Variants in POLB observed in about 807,000 individuals in gnomAD.
The protein encoded by POLB is 5'-dRP lyase.
POLB carries 37 observed loss-of-function variants against 52.7 expected under a neutral mutation model. The observed-to-expected ratio is 0.70, with a 90% CI of 0.54 to 0.92. The LOEUF is 0.92. Ranked by LOEUF, POLB falls within the 40% of genes least tolerant of loss-of-function variation. The probability of loss-of-function intolerance (pLI) is 0.00; values close to 1 mark genes in which losing one functional copy is unlikely to be tolerated. For missense variants in POLB, 313 were observed against 400.8 expected (o/e 0.78, Z 1.87); for synonymous variants, 138 against 131.3 (o/e 1.05, Z -0.35).
chr8:42,361,796 C>T (rs1250282271), intron 10 of POLB: 1 of 160,942 alleles, frequency 6.2e-6, no homozygotes, highest in Non-Finnish European at 1.4e-5. Context: ...GCTTTTTTTT[C>T]CCATGAGCCA....
intron 6 of POLB, 160 bp from the exon 7 acceptor site, chr8:42,355,356 C>T (rs1354588012): frequency 3.4e-6 from 2 of 583,540 alleles, no homozygotes; most frequent in Non-Finnish European, 6.4e-6. Flanking sequence ...TCACTTTTAT[C>T]TAGCTCTTCA....
chr8:42,370,259 G>GTTTTTTTTTTTTTTTTT (rs34271342), intron 13 of POLB: 7 of 259,972 alleles, frequency 2.7e-5, no homozygotes, highest in African/African-American at 5.2e-5. Context: ...ATCTAAAAGG[G>GTTTTTTTTTTTTTTTTT]TTTTTTTTTT....
chr8:42,368,367 ATTAGT>A (rs1161404770), intron 11 of POLB, among the ~76,000 whole-genome samples: 4 of 152,246 alleles, frequency 2.6e-5, no homozygotes, highest in Non-Finnish European at 5.9e-5. Flanking sequence ...CAGCTAAAGA[ATTAGT>A]TTAGATTTTA....
At chr8:42,349,870 G>T in intron 4 of POLB, 137 bp from the exon 5 acceptor site, 1 of 650,914 alleles carries the variant, frequency 1.5e-6, no homozygotes, top group East Asian at 2.7e-5. Context: ...GGTTACTTGT[G>T]AATAATTTTG....
At chr8:42,345,085 ACCAAAC>A in intron 3 of POLB, 66 bp downstream of exon 3, 2 of 1,033,390 alleles carry the variant, frequency 1.9e-6, no homozygotes, top group Non-Finnish European at 3.0e-6. Flanking sequence ...TTCCCACCAA[ACCAAAC>A]TTGCCTGTCT....
chr8:42,355,173 G>C (rs1434485029), intron 6 of POLB, among the ~76,000 whole-genome samples: 3 of 151,872 alleles, frequency 2.0e-5, no homozygotes, highest in African/African-American at 7.3e-5. Flanking sequence ...CAAGTAGCTG[G>C]GATTACAGGG....
At chr8:42,369,421 A>AT (rs1824240113) in intron 12 of POLB, 86 bp downstream of exon 12, 3 of 770,792 alleles carry the variant, frequency 3.9e-6, no homozygotes, top group Non-Finnish European at 6.7e-6. Context: ...TGGAGTTCAC[A>AT]TTCATATCTA....
intron 2 of POLB, among the ~76,000 whole-genome samples, chr8:42,343,072 C>T (rs938925934): frequency 1.3e-5 from 2 of 151,736 alleles, no homozygotes; most frequent in Admixed American, 1.3e-4. Context: ...CCTGTAATCC[C>T]AGCACTTTGG....
intron 9 of POLB, among the ~76,000 whole-genome samples, chr8:42,360,177 G>C (rs1012239914): frequency 1.3e-5 from 2 of 150,156 alleles, no homozygotes; most frequent in Non-Finnish European, 3.0e-5. Context: ...GGCTGGTCTT[G>C]ACCTCCTGAC....
chr8:42,363,389 G>A (rs183166276), intron 11 of POLB, among the ~76,000 whole-genome samples: 142 of 151,682 alleles, frequency 9.4e-4, no homozygotes, highest in Middle Eastern at 6.8e-3. Flanking sequence ...TTAGCTGGGC[G>A]TGGTGGTGTG....
At chr8:42,356,631 G>C (rs1477751159) in intron 7 of POLB, among the ~76,000 whole-genome samples, 1 of 151,448 alleles carries the variant, frequency 6.6e-6, no homozygotes, top group African/African-American at 2.4e-5. Context: ...GACCTAGGCA[G>C]CTGCTCATCT....
chr8:42,369,992 A>C lies in POLB; in HGVS notation c.913+4A>C, dbSNP rs1261617500. The stretch of plus-strand genomic sequence containing the variant: ...ATCCGTCCCTTGGGAGTCACTGGTG[A>C]GTGTCCATGTGTGTATTAGAGATCA... On this transcript the variant is annotated splice_donor_region_variant and intron_variant, in intron 13 of 13. Transcript: ENST00000265421. 1.2e-6 allele frequency: 2 copies of C among 1,604,198 alleles called. No homozygotes were observed.
intron 2 of POLB, among the ~76,000 whole-genome samples, chr8:42,343,940 C>T (rs1403384591): frequency 1.3e-5 from 2 of 151,930 alleles, no homozygotes; most frequent in Admixed American, 6.6e-5. Flanking sequence ...ATGAGCCTGG[C>T]CAACATGGTG....
At chr8:42,347,195 T>C (rs191065090) in intron 3 of POLB, among the ~76,000 whole-genome samples, 1 of 151,912 alleles carries the variant, frequency 6.6e-6, no homozygotes, top group Admixed American at 6.6e-5. Flanking sequence ...ATCTCATCAT[T>C]ATTCCTTTTC....
intron 12 of POLB, chr8:42,369,541 A>G (rs561612444): frequency 6.7e-5 from 35 of 521,282 alleles, no homozygotes; most frequent in African/African-American, 4.1e-4. Context: ...TTTTCTCTAG[A>G]TTTGCACCTC....
chr8:42,361,661 T>C (rs898450009), intron 10 of POLB: 1 of 226,594 alleles, frequency 4.4e-6, no homozygotes, highest in African/African-American at 2.3e-5. Context: ...TAATCAGATT[T>C]TCATTAAATT....
Position 42,357,328 on chromosome 8 carries a change from A to G in POLB, c.486A>G (p.Val162=). The change falls in exon 9 of 14, where the codon GTA becomes GTG. Residue 162 remains valine (V), a synonymous_variant. Coordinates refer to ENST00000265421, the MANE Select transcript of POLB (RefSeq NM_002690.3). ...REEMLQMQDI[V]LNEVKKVDSE... Reference sequence around the variant, plus strand: ...AATTTTTCTTCTATTAGGATATTGTACTAAATGAAGTTAAAAAAGTGGATT... The same window carrying G: ...AATTTTTCTTCTATTAGGATATTGTGCTAAATGAAGTTAAAAAAGTGGATT... 1 of 1,554,026 alleles carries G rather than the reference A, an allele frequency of 6.4e-7. No individual in the cohort carries two copies. Among genetic ancestry groups the G allele is most frequent in the Non-Finnish European group, 8.9e-7 (1 of 1,125,592 alleles).
intron 11 of POLB, among the ~76,000 whole-genome samples, chr8:42,366,815 C>T (rs948066136): frequency 6.6e-6 from 1 of 152,114 alleles, no homozygotes; most frequent in Admixed American, 6.5e-5. Context: ...GTCAGAAGAC[C>T]GTTATGCAGA....
chr8:42,342,396 T>C lies in POLB; in HGVS notation c.120-2557T>C, dbSNP rs564986002. The C allele has an allele frequency of 2.7e-6, 4 of 1,455,852 alleles. No homozygotes were observed. The South Asian group carries it at 4.5e-5, about 17-fold the overall frequency. 90.2% of individuals were successfully genotyped at this position (1,455,852 alleles called of 1,614,324 possible). A position where few individuals can be genotyped will look rare whatever the true frequency, so the allele number is the denominator to read the frequency against. ...TCACACCATATTTTGGCAGTTCGTG[T>C]GCATATGCTGCGCAGACTATCATAT... On this transcript the variant is annotated intron_variant, in intron 2 of 13. Coordinates refer to ENST00000265421, the MANE Select transcript of POLB (RefSeq NM_002690.3).
Sources: gnomAD v4.1 joint callset for allele counts (sites outside exome capture counted in the v4.1 genomes callset) on GRCh38, gnomAD v4.1.1 for gene constraint, MANE v1.5 for transcripts, NCBI Gene and HGNC (gene_info 2026-07-23, HGNC 2026-07-21) for gene names.